RNF32: variants seen among roughly 807,000 people sequenced by gnomAD.
The protein encoded by RNF32 is ring finger protein 32.
RNF32 carries 36 observed loss-of-function variants against 41.0 expected under a neutral mutation model. The ratio of observed to expected loss-of-function variants is 0.88; its 90% CI spans 0.67 to 1.16. RNF32 has a LOEUF of 1.16. Ranked by LOEUF, RNF32 falls within the 50% of genes most tolerant of loss-of-function variation. RNF32 has a pLI of 0.00. For synonymous variants in RNF32, 154 were observed against 160.9 expected (o/e 0.96, Z 0.32); for missense variants, 413 against 436.7 (o/e 0.95, Z 0.48).
chr7:156,658,386 G>C (rs1800067191), intron 6 of RNF32, 76 bp from the exon 7 acceptor site: 1 of 1,513,944 alleles, frequency 6.6e-7, no homozygotes, highest in Non-Finnish European at 9.2e-7. Flanking sequence ...ACAGCACAGG[G>C]CTTATAACAA....
chr7:156,656,188 A>G (rs1039609190), intron 4 of RNF32, among the ~76,000 whole-genome samples: 1 of 152,224 alleles, frequency 6.6e-6, no homozygotes, highest in African/African-American at 2.4e-5. Flanking sequence ...AAACAATTCA[A>G]ATGACTCATA....
Position 156,676,906 on chromosome 7 carries a change from A to G in RNF32, c.*251A>G. On this transcript the variant is annotated 3_prime_UTR_variant, in exon 9 of 9. Coordinates refer to ENST00000317955, the MANE Select transcript of RNF32 (RefSeq NM_030936.4). ...TCAAATATGAATAGCAAAAAATGAG[A>G]GCTTGCTTACTTCTAAAAATTGAGG... 1 of 444,498 alleles carries G rather than the reference A, an allele frequency of 2.2e-6. No homozygotes were observed. The highest frequency in any genetic ancestry group is 3.6e-5 in the Admixed American group (1 of 27,398). The allele number at this position is 444,498 out of a possible 1,614,324, so 27.5% of individuals were successfully genotyped here.
intron 3 of RNF32, among the ~76,000 whole-genome samples, chr7:156,647,822 C>T (rs527674585): frequency 6.6e-6 from 1 of 152,318 alleles, no homozygotes; most frequent in Admixed American, 6.5e-5. Flanking sequence ...ATTCTCCTTG[C>T]ACCACATCAA....
At chr7:156,658,940 T>C in intron 7 of RNF32, 1 of 1,526,444 alleles carries the variant, frequency 6.6e-7, no homozygotes, top group Non-Finnish European at 8.8e-7. Flanking sequence ...GCACATCTCA[T>C]AGTAATGAAA....
At chr7:156,643,671 CTTAGTGCCACCCTGT>C (rs1797651322) in intron 1 of RNF32, 115 bp from the exon 2 acceptor site, 3 of 597,234 alleles carry the variant, frequency 5.0e-6, no homozygotes. Context: ...GAATGTGTAG[CTTAGTGCCACCCTGT>C]AGCAGGCATT....
At chr7:156,654,743 A>G in intron 4 of RNF32, 25 bp downstream of exon 4, 1 of 1,607,426 alleles carries the variant, frequency 6.2e-7, no homozygotes, top group Non-Finnish European at 8.5e-7. Flanking sequence ...AGGGTGAGCT[A>G]GAGAGCTCCT....
In RNF32 at chr7:156,676,894, G is replaced by T; in HGVS notation, c.*239G>T. On this transcript the variant is annotated 3_prime_UTR_variant, in exon 9 of 9. Transcript: ENST00000317955. Reference sequence around the variant, plus strand: ...AGTTTAATCACTTCAAATATGAATAGCAAAAAATGAGAGCTTGCTTACTTC... The same window carrying T: ...AGTTTAATCACTTCAAATATGAATATCAAAAAATGAGAGCTTGCTTACTTC... The T allele has an allele frequency of 2.1e-6, 1 of 466,952 alleles. No homozygotes were observed. Among genetic ancestry groups the T allele is most frequent in the Non-Finnish European group, 3.9e-6 (1 of 259,690 alleles). 28.9% of individuals were successfully genotyped at this position (466,952 alleles called of 1,614,324 possible).
intron 1 of RNF32, among the ~76,000 whole-genome samples, chr7:156,641,896 G>A (rs750175384): frequency 3.9e-5 from 6 of 152,180 alleles, no homozygotes; most frequent in Admixed American, 6.5e-5. Context: ...AGAATTGAAC[G>A]GGAACAGAAA....
At chr7:156,663,144 T>C (rs1164286629) in intron 7 of RNF32, among the ~76,000 whole-genome samples, 1 of 152,206 alleles carries the variant, frequency 6.6e-6, no homozygotes, top group Non-Finnish European at 1.5e-5. Context: ...TTAACAGCCA[T>C]TCTTAATAAT....
chr7:156,649,837 C>T (rs1190871170), intron 3 of RNF32, among the ~76,000 whole-genome samples: 8 of 152,184 alleles, frequency 5.3e-5, no homozygotes, highest in South Asian at 2.1e-4. Context: ...CGATGTTTGA[C>T]GTTTAACCAT....
intron 7 of RNF32, chr7:156,659,397 G>A: frequency 1.0e-6 from 1 of 985,794 alleles, no homozygotes; most frequent in Non-Finnish European, 1.2e-6. Context: ...TTCGTCTCGG[G>A]TGTTCATTCT....
At chr7:156,668,215 G>A (rs917432432) in intron 7 of RNF32, among the ~76,000 whole-genome samples, 10 of 152,188 alleles carry the variant, frequency 6.6e-5, no homozygotes, top group African/African-American at 2.4e-4. Flanking sequence ...TGGAATGAAA[G>A]GAGCAGCAGC....
intron 7 of RNF32, among the ~76,000 whole-genome samples, chr7:156,664,897 C>T (rs1188739446): frequency 6.6e-6 from 1 of 152,036 alleles, no homozygotes; most frequent in Non-Finnish European, 1.5e-5. Context: ...AAGAAACAAA[C>T]ATATGTTTCA....
At chr7:156,645,686 G>C (rs1038709994) in intron 3 of RNF32, among the ~76,000 whole-genome samples, 8 of 152,148 alleles carry the variant, frequency 5.3e-5, no homozygotes, top group Admixed American at 4.6e-4. Context: ...TTTGATCTTT[G>C]TACCAGGGTT....
chr7:156,667,737 A>G (rs114809784), intron 7 of RNF32, among the ~76,000 whole-genome samples: 2,030 of 152,334 alleles, frequency 0.013, 36 homozygotes, highest in African/African-American at 0.046. Flanking sequence ...ATTAACTACA[A>G]TAGTTAATAA....
intron 6 of RNF32, 86 bp from the exon 7 acceptor site, chr7:156,658,376 A>G (rs1281586285): frequency 2.0e-6 from 3 of 1,522,998 alleles, no homozygotes; most frequent in Non-Finnish European, 2.7e-6. Context: ...AGGGCCTTGT[A>G]CAGCACAGGG....
At chr7:156,673,026 TCA>T (rs1802928207) in intron 7 of RNF32, among the ~76,000 whole-genome samples, 1 of 152,236 alleles carries the variant, frequency 6.6e-6, no homozygotes, top group African/African-American at 2.4e-5. Flanking sequence ...TCTGCTTTTC[TCA>T]CAGATTCCCA....
chr7:156,654,749 C>T, intron 4 of RNF32, 31 bp downstream of exon 4: 2 of 1,596,214 alleles, frequency 1.3e-6, no homozygotes, highest in South Asian at 1.1e-5. Context: ...AGCTAGAGAG[C>T]TCCTGGGCTG....
chr7:156,651,215 CTTTT>C (rs201556848), intron 3 of RNF32, among the ~76,000 whole-genome samples: 5 of 138,728 alleles, frequency 3.6e-5, no homozygotes, highest in Non-Finnish European at 6.2e-5. Flanking sequence ...TTTAATATTT[CTTTT>C]TTTTTTTTTT....
Sources: gnomAD v4.1 joint callset for allele counts (sites outside exome capture counted in the v4.1 genomes callset) on GRCh38, gnomAD v4.1.1 for gene constraint, MANE v1.5 for transcripts, NCBI Gene and HGNC (gene_info 2026-07-23, HGNC 2026-07-21) for gene names.